Variants in PDE4D observed in about 807,000 individuals in gnomAD.
The protein encoded by PDE4D is phosphodiesterase 4D, also known as 3',5'-cyclic-AMP phosphodiesterase 4D.
PDE4D carries 24 observed loss-of-function variants against 87.4 expected under a neutral mutation model. The ratio of observed to expected loss-of-function variants is 0.27; its 90% CI spans 0.20 to 0.39. The LOEUF is 0.39. Ranked by LOEUF, PDE4D falls within the 10% of genes least tolerant of loss-of-function variation. The probability of loss-of-function intolerance (pLI) is 1.00; values close to 1 mark genes in which losing one functional copy is unlikely to be tolerated. For synonymous variants in PDE4D, 384 were observed against 383.2 expected (o/e 1.00, Z -0.02); for missense variants, 714 against 1,041.0 (o/e 0.69, Z 4.32).
intron 1 of PDE4D, among the ~76,000 whole-genome samples, chr5:59,277,104 A>T (rs1455253983): frequency 1.5e-4 from 23 of 152,140 alleles, no homozygotes; most frequent in Admixed American, 1.5e-3. Context: ...GTGTTTATTT[A>T]GCATTTGCAG....
rs1759066225 is a variant in PDE4D, at chr5:59,038,914, T to A, written c.866A>T (p.Asp289Val). The change falls in exon 6 of 15, where the codon GAC becomes GTC. Residue 289 changes from aspartate (D) to valine (V), a missense_variant. Physicochemically the swap from Asp to Val is radical, Grantham distance 152 (BLOSUM62 -3). Coordinates refer to ENST00000340635, the MANE Select transcript of PDE4D (RefSeq NM_001104631.2). ...ETLEELDWCLDQLETLQTRHS... is the reference protein window; with the variant it reads ...ETLEELDWCLVQLETLQTRHS... ...CCTGGTCTGTAGGGTCTCTAGCTGG[T>A]CCAGACACCAGTCCAGCTCCTCCAG... 6.2e-7 allele frequency: 1 copy of A among 1,605,846 alleles called. No homozygotes were observed. The highest frequency in any genetic ancestry group is 8.5e-7 in the Non-Finnish European group (1 of 1,176,202).
chr5:59,001,724 A>G (rs1750577767), intron 6 of PDE4D, among the ~76,000 whole-genome samples: 1 of 152,190 alleles, frequency 6.6e-6, no homozygotes, highest in African/African-American at 2.4e-5. Flanking sequence ...TTCTGAATAC[A>G]AGATTCTCCT....
At chr5:59,178,794 T>C (rs1307017927) in intron 5 of PDE4D, among the ~76,000 whole-genome samples, 1 of 152,206 alleles carries the variant, frequency 6.6e-6, no homozygotes, top group Admixed American at 6.5e-5. Flanking sequence ...TCTGCCCAAA[T>C]AGCAATGTCA....
Position 60,051,948 on chromosome 5 carries a change from G to T in PDE4D, c.43-63231C>A, listed in dbSNP as rs181365686. Among the ~76,000 whole-genome samples, 515 of 152,170 alleles carry T rather than the reference G, an allele frequency of 3.4e-3. 3 individuals carry two copies. Among genetic ancestry groups the T allele is most frequent in the Non-Finnish European group, 6.2e-3 (421 of 67,986 alleles). The stretch of plus-strand genomic sequence containing the variant: ...ATAAACTAGAAAATCTAGAAGAAAT[G>T]GATAAATTCCTGGACACATACACCC... On this transcript the variant is annotated intron_variant, in intron 2 of 16. Transcript: ENST00000502484.
chr5:60,449,665 TAAATAAAATAAA>T (rs1471930680), intron 1 of PDE4D, among the ~76,000 whole-genome samples: 2 of 138,878 alleles, frequency 1.4e-5, no homozygotes, highest in South Asian at 2.3e-4. Context: ...AAATAAAAAA[TAAATAAAATAAA>T]AAATAAAATT....
chr5:59,621,142 A>G (rs1437888470), intron 1 of PDE4D, among the ~76,000 whole-genome samples: 1 of 152,162 alleles, frequency 6.6e-6, no homozygotes, highest in African/African-American at 2.4e-5. Flanking sequence ...TCAACTCTGC[A>G]ATTTCCATCT....
chr5:59,138,222 T>C (rs1306646719), intron 5 of PDE4D, among the ~76,000 whole-genome samples: 1 of 152,258 alleles, frequency 6.6e-6, no homozygotes, highest in East Asian at 1.9e-4. Context: ...TCATTTCACA[T>C]ATATTCCCAC....
intron 1 of PDE4D, among the ~76,000 whole-genome samples, chr5:60,455,826 C>T (rs900987868): frequency 5.3e-5 from 8 of 152,104 alleles, no homozygotes; most frequent in Admixed American, 6.6e-5. Context: ...AGGACCTCTG[C>T]GATCAAGTCT....
chr5:59,126,070 T>C (rs1775338711), intron 5 of PDE4D, among the ~76,000 whole-genome samples: 1 of 129,366 alleles, frequency 7.7e-6, no homozygotes, highest in Non-Finnish European at 1.6e-5. Context: ...ATTTTCAGAA[T>C]CCTTTATTCT....
chr5:59,405,376 G>T (rs1309647911), intron 1 of PDE4D, among the ~76,000 whole-genome samples: 1 of 152,088 alleles, frequency 6.6e-6, no homozygotes, highest in Non-Finnish European at 1.5e-5. Context: ...TTTTCAGATT[G>T]TTCACCATTG....
intron 1 of PDE4D, among the ~76,000 whole-genome samples, chr5:59,233,874 T>C (rs1294173676): frequency 2.6e-5 from 4 of 152,134 alleles, no homozygotes; most frequent in South Asian, 4.1e-4. Flanking sequence ...ATGAAGCTCA[T>C]TGAGAAGACG....
chr5:59,017,043 T>G (rs1391265785), intron 6 of PDE4D, among the ~76,000 whole-genome samples: 4 of 152,090 alleles, frequency 2.6e-5, no homozygotes, highest in African/African-American at 9.7e-5. Flanking sequence ...ATGCCTAGAA[T>G]AAGCCAACCA....
intron 1 of PDE4D, among the ~76,000 whole-genome samples, chr5:59,485,015 A>G (rs934119703): frequency 1.3e-5 from 2 of 152,210 alleles, no homozygotes; most frequent in African/African-American, 2.4e-5. Context: ...ACTTTTTTAA[A>G]ATAATTCCAA....
chr5:59,522,434 A>G (rs955261416), intron 1 of PDE4D, among the ~76,000 whole-genome samples: 2 of 152,184 alleles, frequency 1.3e-5, no homozygotes, highest in Non-Finnish European at 2.9e-5. Flanking sequence ...ACTATTTTAC[A>G]CAAACGGCAA....
intron 1 of PDE4D, among the ~76,000 whole-genome samples, chr5:59,853,639 T>G (rs938490076): frequency 6.6e-6 from 1 of 152,034 alleles, no homozygotes; most frequent in Non-Finnish European, 1.5e-5. Flanking sequence ...TTTAACAGTC[T>G]TTAAACTATA....
At chr5:60,125,368 A>T (rs114211267) in intron 2 of PDE4D, among the ~76,000 whole-genome samples, 50 of 152,196 alleles carry the variant, frequency 3.3e-4, no homozygotes, top group Admixed American at 6.5e-4. Context: ...ATATATCCAG[A>T]TCTTATCTTT....
At chr5:60,272,329 G>A (rs1026870699) in intron 1 of PDE4D, among the ~76,000 whole-genome samples, 3 of 152,170 alleles carry the variant, frequency 2.0e-5, no homozygotes, top group Non-Finnish European at 2.9e-5. Context: ...TCATCAACCC[G>A]TATACTTATT....
At chr5:59,202,390 C>G (rs1488719879) in intron 2 of PDE4D, among the ~76,000 whole-genome samples, 1 of 152,148 alleles carries the variant, frequency 6.6e-6, no homozygotes, top group Non-Finnish European at 1.5e-5. Flanking sequence ...GATGTGGGGT[C>G]TCACTCTGTT....
chr5:60,142,821 T>A (rs1780653506), intron 2 of PDE4D, among the ~76,000 whole-genome samples: 1 of 151,864 alleles, frequency 6.6e-6, no homozygotes, highest in South Asian at 2.1e-4. Flanking sequence ...TGAGAAAAAA[T>A]TTGCATGGGG....
Sources: allele counts gnomAD v4.1 joint callset (sites outside exome capture counted in the v4.1 genomes callset), GRCh38; gene constraint gnomAD v4.1.1; transcripts MANE v1.5; gene names NCBI Gene and HGNC (gene_info 2026-07-23, HGNC 2026-07-21).